The following RO60 variants were observed in gnomAD, a reference collection of about 807,000 sequenced individuals.
The protein encoded by RO60 is Ro60, Y RNA binding protein.
In RO60, 20 loss-of-function variants were observed where a neutral mutation model predicts 55.3. The ratio of observed to expected loss-of-function variants is 0.36; its 90% CI spans 0.25 to 0.53. The LOEUF is 0.53. Ranked by LOEUF, RO60 falls within the 20% of genes least tolerant of loss-of-function variation. The pLI, the probability that RO60 is intolerant of heterozygous loss-of-function variation, is 0.92. For missense variants in RO60, 558 were observed against 646.6 expected (o/e 0.86, Z 1.49); for synonymous variants, 213 against 213.6 (o/e 1.00, Z 0.02).
At chr1:193,069,677 T>C (rs776966142) in intron 2 of RO60, 43 bp downstream of exon 2, 72 of 1,480,496 alleles carry the variant, frequency 4.9e-5, no homozygotes, top group Non-Finnish European at 6.2e-5. Flanking sequence ...GGGTAAGGGA[T>C]ATTCAATAAA....
At chr1:193,060,059 C>A in intron 1 of RO60, 1 of 1,326,230 alleles carries the variant, frequency 7.5e-7, no homozygotes, top group Non-Finnish European at 1.0e-6. Context: ...TCGCTCCCCA[C>A]AGGCCGACGT....
chr1:193,084,394 T>A (rs139846052), intron 8 of RO60, among the ~76,000 whole-genome samples, 185 bp from the exon 9 acceptor site: 2 of 152,366 alleles, frequency 1.3e-5, no homozygotes, highest in East Asian at 1.9e-4. Context: ...CAGATTCTTA[T>A]ACAATTTTAT....
rs1434409667 is a variant in RO60, at chr1:193,059,789, C to T, written c.-22+13C>T. 2.2e-6 allele frequency: 3 copies of T among 1,355,980 alleles called. No homozygotes were observed. Among genetic ancestry groups the T allele is most frequent in the African/African-American group, 1.5e-5 (1 of 67,582 alleles). 84.0% of individuals were successfully genotyped at this position (1,355,980 alleles called of 1,614,324 possible). On this transcript the variant is annotated intron_variant, in intron 1 of 8. Transcript: ENST00000400968. The surrounding 1 kb of genome is among the most constrained non-coding windows in gnomAD (Gnocchi z 4.9). ...CTGCCAGGTACAGGTGAGGACATTGCGGGAGGCCGGCTGGGAGCCTTTTGT... is the reference window on the plus strand; with the variant it reads ...CTGCCAGGTACAGGTGAGGACATTGTGGGAGGCCGGCTGGGAGCCTTTTGT...
At chr1:193,075,189 G>C (rs1673821036) in intron 2 of RO60, among the ~76,000 whole-genome samples, 1 of 151,996 alleles carries the variant, frequency 6.6e-6, no homozygotes, top group Admixed American at 6.6e-5. Context: ...TATTGGCAGA[G>C]TATAGGCTAG....
chr1:193,071,565 A>C (rs1012303079), intron 2 of RO60, among the ~76,000 whole-genome samples: 6 of 151,950 alleles, frequency 3.9e-5, no homozygotes, highest in African/African-American at 1.4e-4. Flanking sequence ...TAGAGTACCT[A>C]CTTTCATAAT....
chr1:193,075,221 A>T (rs901243743), intron 2 of RO60, among the ~76,000 whole-genome samples: 3 of 151,912 alleles, frequency 2.0e-5, no homozygotes, highest in African/African-American at 7.3e-5. Context: ...TCTCACCCCC[A>T]ATCCAAGGCT....
At chr1:193,091,599 C>A (rs369675723), downstream of RO60, 30 of 1,440,572 alleles carry the variant, frequency 2.1e-5, no homozygotes, top group Non-Finnish European at 2.9e-5. Flanking sequence ...ACATTTGTTT[C>A]ATGATAAAAC....
chr1:193,081,646 TAA>T (rs1345230906), intron 6 of RO60, among the ~76,000 whole-genome samples, 166 bp downstream of exon 6: 1 of 152,184 alleles, frequency 6.6e-6, no homozygotes, highest in East Asian at 1.9e-4. Flanking sequence ...GCCAGAGTGT[TAA>T]GTGTGTTGAA....
rs1241456880 is a variant in RO60 at position 193,089,829 on chromosome 1, CAG to C, written c.*5101_*5102del. 2 of 138,946 alleles carry C rather than the reference CAG, an allele frequency of 1.4e-5. No individual in the cohort carries two copies. Among genetic ancestry groups the C allele is most frequent in the African/African-American group, 5.4e-5 (2 of 37,030 alleles). The allele number at this position is 138,946 out of a possible 1,614,324, so 8.6% of individuals were successfully genotyped here. A position where few individuals can be genotyped will look rare whatever the true frequency, so the allele number is the denominator to read the frequency against. On this transcript the variant is annotated 3_prime_UTR_variant, in exon 9 of 9. Transcript: ENST00000400968. Reference sequence around the variant, plus strand: ...TTTCTTTTTTTTTTTTTTTTTGAGACAGAGTCTCACTCCGTCACCAGGCTGGA... The same window carrying C: ...TTTCTTTTTTTTTTTTTTTTTGAGACAGTCTCACTCCGTCACCAGGCTGGA...
Position 193,085,387 on chromosome 1 carries a change from AT to A in RO60, c.*657del, listed in dbSNP as rs1674580490. Reference sequence around the variant, plus strand: ...TATGTTACCATTAATCAGAAACATCATGGCAACCCCTAAGAATAGACTAAGT... The same window carrying A: ...TATGTTACCATTAATCAGAAACATCAGGCAACCCCTAAGAATAGACTAAGT... On this transcript the variant is annotated 3_prime_UTR_variant, in exon 9 of 9. Coordinates refer to ENST00000400968, the MANE Select transcript of RO60 (RefSeq NM_001173524.2). 1.0e-6 allele frequency: 1 copy of A among 989,974 alleles called. No individual in the cohort carries two copies. The allele number at this position is 989,974 out of a possible 1,614,324, so 61.3% of individuals were successfully genotyped here.
chr1:193,060,141 G>A (rs1672430028), intron 1 of RO60: 1 of 1,186,514 alleles, frequency 8.4e-7, no homozygotes, highest in Non-Finnish European at 1.1e-6. Flanking sequence ...GGCGTCGCCC[G>A]GGATCTGGGT....
intron 5 of RO60, 134 bp downstream of exon 5, chr1:193,077,184 T>C: frequency 1.2e-6 from 1 of 862,884 alleles, no homozygotes; most frequent in Non-Finnish European, 1.7e-6. Flanking sequence ...TTAGTTCATA[T>C]GTGGTGAGTA....
intron 8 of RO60, among the ~76,000 whole-genome samples, chr1:193,083,008 T>C (rs1674422543): frequency 6.6e-6 from 1 of 152,110 alleles, no homozygotes; most frequent in Non-Finnish European, 1.5e-5. Flanking sequence ...TCTCCAGCCT[T>C]GGCTTCCCAA....
At chr1:193,083,308 C>T (rs1478014029) in intron 8 of RO60, among the ~76,000 whole-genome samples, 1 of 151,996 alleles carries the variant, frequency 6.6e-6, no homozygotes, top group African/African-American at 2.4e-5. Context: ...ATTCAGTGTG[C>T]TCCTTGAAAA....
At chr1:193,077,104 G>A (rs1217209340) in intron 5 of RO60, 54 bp downstream of exon 5, 14 of 1,489,750 alleles carry the variant, frequency 9.4e-6, no homozygotes, top group Non-Finnish European at 1.3e-5. Context: ...AATATCTTTT[G>A]TAATAATACA....
At chr1:193,074,311 C>T (rs1468019864) in intron 2 of RO60, among the ~76,000 whole-genome samples, 1 of 152,238 alleles carries the variant, frequency 6.6e-6, no homozygotes, top group African/African-American at 2.4e-5. Flanking sequence ...GGAATCGCCA[C>T]ACTGACTTCC....
chr1:193,072,051 T>C (rs1405331424), intron 2 of RO60, among the ~76,000 whole-genome samples: 6 of 152,128 alleles, frequency 3.9e-5, no homozygotes. Flanking sequence ...TCACCCAGGC[T>C]GGAGTGCAAT....
intron 5 of RO60, among the ~76,000 whole-genome samples, chr1:193,080,048 T>A (rs1674200130): frequency 6.6e-6 from 1 of 151,976 alleles, no homozygotes; most frequent in African/African-American, 2.4e-5. Context: ...GGAGAATCTC[T>A]TGAACCCAGG....
intron 5 of RO60, among the ~76,000 whole-genome samples, chr1:193,079,549 A>G (rs1674156422): frequency 6.6e-6 from 1 of 152,232 alleles, no homozygotes; most frequent in Non-Finnish European, 1.5e-5. Flanking sequence ...ATCAGTGACT[A>G]AATTTAAGAG....
Sources: gnomAD v4.1 joint callset for allele counts (sites outside exome capture counted in the v4.1 genomes callset) on GRCh38, gnomAD v4.1.1 for gene constraint, Gnocchi (gnomAD v3.1) non-coding constraint, MANE v1.5 for transcripts, NCBI Gene and HGNC (gene_info 2026-07-23, HGNC 2026-07-21) for gene names.